CUX1: variants seen among roughly 807,000 people sequenced by gnomAD.
CUX1 encodes protein CASP.
Under a neutral mutation model 158.8 loss-of-function variants are expected in CUX1, and 31 were observed. The ratio of observed to expected loss-of-function variants is 0.20; its 90% CI spans 0.15 to 0.26. The LOEUF (loss-of-function observed/expected upper bound fraction) is 0.26, where lower values mean the gene tolerates loss of function less well. Ranked by LOEUF, CUX1 falls within the 10% of genes least tolerant of loss-of-function variation. The probability of loss-of-function intolerance (pLI) is 1.00; values close to 1 mark genes in which losing one functional copy is unlikely to be tolerated. For missense variants in CUX1, 1,589 were observed against 2,014.6 expected, an observed-to-expected ratio of 0.79 and a Z score of 4.04; for synonymous variants, 879 against 862.1, an observed-to-expected ratio of 1.02 and a Z score of -0.34.
chr7:102,008,865 C>G (rs2129291112), intron 2 of CUX1, among the ~76,000 whole-genome samples: 1 of 152,248 alleles, frequency 6.6e-6, no homozygotes, highest in South Asian at 2.1e-4. Context: ...TTTTGTTTTT[C>G]CTGGTGGGCA....
chr7:102,172,761 C>G (rs116640412), intron 10 of CUX1, among the ~76,000 whole-genome samples: 2,298 of 152,222 alleles, frequency 0.015, 48 homozygotes, highest in African/African-American at 0.051. Flanking sequence ...TTAAAATTAA[C>G]ATTAATTAAA....
In CUX1 at chr7:102,239,616, C is replaced by A. The variant is rs374974473; in HGVS notation, c.3887+32C>A. 4 of 1,596,576 alleles carry A rather than the reference C, an allele frequency of 2.5e-6. No individual in the cohort carries two copies. In the South Asian group the frequency reaches 4.5e-5, roughly 18 times the overall value. ...CGGCTGGCTCACAGGGAGCGCCGGT[C>A]GGCCCAGGGGAAGGGGCTGATCTGT... On this transcript the variant is annotated intron_variant, in intron 23 of 23. Transcript: ENST00000292535.
chr7:102,076,513 T>A (rs940057431), intron 4 of CUX1, among the ~76,000 whole-genome samples: 7 of 152,214 alleles, frequency 4.6e-5, no homozygotes, highest in Non-Finnish European at 1.0e-4. Flanking sequence ...GTTCTTTTCA[T>A]TTGCCACCAG....
rs558755060 is a variant in CUX1, at chr7:102,082,553, C to A, written c.268+12136C>A. On this transcript the variant is annotated intron_variant, in intron 4 of 23. Coordinates refer to ENST00000292535, the MANE Select transcript of CUX1 (RefSeq NM_181552.4). ...ATACATAAACACATACAATGAAATGCGCTCATTTCAAGTGTGCAGTGTGAT... is the reference window on the plus strand; with the variant it reads ...ATACATAAACACATACAATGAAATGAGCTCATTTCAAGTGTGCAGTGTGAT... Among the ~76,000 whole-genome samples, 59 of 147,136 alleles carry A rather than the reference C, an allele frequency of 4.0e-4. 6 individuals carry two copies. In the South Asian group the frequency reaches 0.012, roughly 29 times the overall value.
intron 14 of CUX1, among the ~76,000 whole-genome samples, chr7:102,264,222 T>TC (rs1193548152): frequency 1.2e-4 from 18 of 151,632 alleles, no homozygotes; most frequent in African/African-American, 4.4e-4. Flanking sequence ...GCCAGGCTGG[T>TC]CTCGAACTCC....
chr7:102,075,600 T>C (rs1429797497), intron 4 of CUX1, among the ~76,000 whole-genome samples: 1 of 152,236 alleles, frequency 6.6e-6, no homozygotes, highest in Non-Finnish European at 1.5e-5. Context: ...TCAAATTATT[T>C]CTTCAAAATG....
At chr7:102,218,599 G>C (rs1198491762) in intron 20 of CUX1, among the ~76,000 whole-genome samples, 1 of 151,938 alleles carries the variant, frequency 6.6e-6, no homozygotes, top group African/African-American at 2.4e-5. Flanking sequence ...GGGGCAGAGG[G>C]ATTGCTTGAG....
intron 3 of CUX1, among the ~76,000 whole-genome samples, chr7:102,068,971 C>G (rs1209735204): frequency 6.6e-6 from 1 of 152,200 alleles, no homozygotes; most frequent in Non-Finnish European, 1.5e-5. Context: ...AGTCAGTTCA[C>G]AAAACCAATC....
chr7:102,130,790 T>G (rs1024035296), intron 8 of CUX1, among the ~76,000 whole-genome samples: 2 of 152,198 alleles, frequency 1.3e-5, no homozygotes, highest in African/African-American at 2.4e-5. Context: ...TTGACCTTTT[T>G]GCTTCTTCTA....
intron 8 of CUX1, among the ~76,000 whole-genome samples, chr7:102,116,800 T>C (rs1181109807): frequency 6.6e-6 from 1 of 152,180 alleles, no homozygotes; most frequent in Non-Finnish European, 1.5e-5. Flanking sequence ...GAAACATTCT[T>C]GTCTCCCCAG....
chr7:101,925,213 A>G (rs1181817422), intron 2 of CUX1, among the ~76,000 whole-genome samples: 4 of 152,040 alleles, frequency 2.6e-5, no homozygotes, highest in African/African-American at 7.2e-5. Flanking sequence ...GGCTCCAGCA[A>G]TTCTCCTGCC....
chr7:101,952,987 G>A (rs1405732920), intron 2 of CUX1, among the ~76,000 whole-genome samples: 2 of 152,194 alleles, frequency 1.3e-5, no homozygotes, highest in Non-Finnish European at 2.9e-5. Flanking sequence ...TGTGTGTTCC[G>A]TAAATGAAGG....
intron 14 of CUX1, 45 bp downstream of exon 14, chr7:102,195,648 C>G: frequency 6.5e-7 from 1 of 1,532,388 alleles, no homozygotes; most frequent in Non-Finnish European, 8.9e-7. Context: ...TGGTTCGCTT[C>G]CAGGGGTCGG....
At chr7:102,055,944 T>C (rs1046137092) in intron 3 of CUX1, among the ~76,000 whole-genome samples, 1 of 152,218 alleles carries the variant, frequency 6.6e-6, no homozygotes. Flanking sequence ...TTTGGTGATC[T>C]GCATAGACGA....
intron 8 of CUX1, among the ~76,000 whole-genome samples, chr7:102,156,805 A>G (rs1789811994): frequency 6.6e-6 from 1 of 152,204 alleles, no homozygotes; most frequent in Admixed American, 6.5e-5. Context: ...CTGGCATCCA[A>G]CGTGACGTGC....
chr7:102,198,628 C>G (rs1192804737), intron 15 of CUX1, among the ~76,000 whole-genome samples, 174 bp from the exon 16 acceptor site: 2 of 152,220 alleles, frequency 1.3e-5, no homozygotes, highest in African/African-American at 4.8e-5. Flanking sequence ...CCTCTGCGGG[C>G]CGGTCAGCCA....
At chr7:101,971,244 T>A (rs148318501) in intron 2 of CUX1, among the ~76,000 whole-genome samples, 6 of 152,314 alleles carry the variant, frequency 3.9e-5, no homozygotes, top group African/African-American at 1.4e-4. Context: ...CCTGGCTGGT[T>A]GTGTTCTGCT....
chr7:101,913,002 T>TG (rs1803673874), intron 1 of CUX1: 1 of 161,054 alleles, frequency 6.2e-6, no homozygotes, highest in Admixed American at 6.3e-5. Context: ...TCATTGTAGT[T>TG]GACGCTTTGA....
intron 10 of CUX1, among the ~76,000 whole-genome samples, chr7:102,172,736 A>G (rs1791868766): frequency 6.6e-6 from 1 of 152,152 alleles, no homozygotes; most frequent in Non-Finnish European, 1.5e-5. Flanking sequence ...CTAAGAAAAG[A>G]TTTTAGCCTT....
Sources: gnomAD v4.1 joint callset for allele counts (sites outside exome capture counted in the v4.1 genomes callset) on GRCh38, gnomAD v4.1.1 for gene constraint, MANE v1.5 for transcripts, NCBI Gene and HGNC (gene_info 2026-07-23, HGNC 2026-07-21) for gene names.